SCFD2: variants seen among roughly 807,000 people sequenced by gnomAD.
SCFD2 encodes the protein sec1 family domain-containing protein 2.
In SCFD2, 54 loss-of-function variants were observed where a neutral mutation model predicts 58.9. The ratio of observed to expected loss-of-function variants is 0.92; its 90% CI spans 0.74 to 1.15. SCFD2 has a LOEUF of 1.15. SCFD2 is among the 50% of genes most tolerant of loss of function. The pLI, the probability that SCFD2 is intolerant of heterozygous loss-of-function variation, is 0.00. For missense variants in SCFD2, 805 were observed against 836.6 expected (o/e 0.96, Z 0.47); for synonymous variants, 321 against 335.9 (o/e 0.96, Z 0.49).
At chr4:53,257,447 G>C (rs1020329716) in intron 4 of SCFD2, among the ~76,000 whole-genome samples, 1 of 152,180 alleles carries the variant, frequency 6.6e-6, no homozygotes, top group African/African-American at 2.4e-5. Flanking sequence ...AAGAGGTAGA[G>C]TTGAGCCACT....
chr4:53,191,521 C>T (rs1727891695), intron 4 of SCFD2, among the ~76,000 whole-genome samples: 1 of 151,994 alleles, frequency 6.6e-6, no homozygotes, highest in Non-Finnish European at 1.5e-5. Context: ...ATTCTCCTGC[C>T]TCAGCCTCCC....
At chr4:53,309,542 A>G (rs1307101370) in intron 3 of SCFD2, among the ~76,000 whole-genome samples, 2 of 152,156 alleles carry the variant, frequency 1.3e-5, no homozygotes, top group Admixed American at 6.5e-5. Flanking sequence ...AGGGAGGAGG[A>G]GTCAGGAGGA....
chr4:53,237,493 G>T (rs1192353629), intron 4 of SCFD2, among the ~76,000 whole-genome samples: 3 of 8,070 alleles, frequency 3.7e-4, no homozygotes, highest in Non-Finnish European at 8.4e-4. Context: ...CCTCCCTCCC[G>T]GACGGGCGGC....
chr4:53,074,611 C>A (rs1235476368), intron 5 of SCFD2, among the ~76,000 whole-genome samples: 6 of 152,140 alleles, frequency 3.9e-5, no homozygotes, highest in Non-Finnish European at 2.9e-5. Context: ...AATCCATGAG[C>A]GACAGAATGG....
chr4:52,900,971 C>G (rs1016220922), intron 7 of SCFD2, among the ~76,000 whole-genome samples: 1 of 152,176 alleles, frequency 6.6e-6, no homozygotes, highest in Non-Finnish European at 1.5e-5. Context: ...CCTGGTGTGC[C>G]GTTTGTTAAG....
chr4:53,226,097 C>A lies in SCFD2; in HGVS notation c.1311+47729G>T, dbSNP rs115229897. 2.7e-3 allele frequency among the ~76,000 whole-genome samples: 412 copies of A among 152,278 alleles called. 1 individual carries two copies. The highest frequency in any genetic ancestry group is 9.5e-3 in the African/African-American group (394 of 41,558). ...GATTACAGATATGAGCCACTGCAAC[C>A]AGGCTGGTTTTGGATTTCTAATTTA... On this transcript the variant is annotated intron_variant, in intron 4 of 8. Coordinates refer to ENST00000401642, the MANE Select transcript of SCFD2 (RefSeq NM_152540.4).
intron 5 of SCFD2, among the ~76,000 whole-genome samples, chr4:52,963,826 T>C (rs1461965902): frequency 6.6e-6 from 1 of 152,186 alleles, no homozygotes; most frequent in Admixed American, 6.5e-5. Flanking sequence ...GAGGATAAAA[T>C]GTTGCCTTTT....
At chr4:53,171,376 G>T (rs571605362) in intron 4 of SCFD2, among the ~76,000 whole-genome samples, 1 of 152,298 alleles carries the variant, frequency 6.6e-6, no homozygotes, top group Admixed American at 6.5e-5. Context: ...CTTGTTCATT[G>T]TGAATTATCC....
intron 4 of SCFD2, among the ~76,000 whole-genome samples, chr4:53,178,038 A>G (rs1451853407): frequency 6.6e-6 from 1 of 152,232 alleles, no homozygotes; most frequent in Non-Finnish European, 1.5e-5. Context: ...AGCCCACCAC[A>G]GCTCCAGGAG....
intron 5 of SCFD2, among the ~76,000 whole-genome samples, chr4:52,977,588 G>A (rs910031193): frequency 1.3e-5 from 2 of 152,130 alleles, no homozygotes; most frequent in African/African-American, 4.8e-5. Flanking sequence ...AGGGTATTAC[G>A]TTTCCTTCTA....
At chr4:53,353,145 G>A (rs543049616) in intron 1 of SCFD2, among the ~76,000 whole-genome samples, 7 of 152,254 alleles carry the variant, frequency 4.6e-5, no homozygotes, top group South Asian at 2.1e-4. Context: ...TCTGATGTTC[G>A]GACATGTTCA....
In SCFD2 at chr4:53,365,194, G is replaced by GA; in HGVS notation, c.747dup (p.Leu250SerfsTer57). On this transcript the variant is annotated frameshift_variant, in exon 1 of 9. Coordinates refer to ENST00000401642, the MANE Select transcript of SCFD2 (RefSeq NM_152540.4). LOFTEE classifies it high-confidence loss of function. The surrounding 1 kb of genome is among the most constrained non-coding windows in gnomAD (Gnocchi z 4.3). ...TTCTTTGCAGGGGCATAATTGGCCA[G>GA]ATCCGCAGCGATGACCTGACTTAAG... 6.2e-7 allele frequency: 1 copy of GA among 1,614,166 alleles called. No individual in the cohort carries two copies. The highest frequency in any genetic ancestry group is 8.5e-7 in the Non-Finnish European group (1 of 1,180,040).
At position 53,313,641 on chromosome 4, in the gene SCFD2, C is replaced by A. The variant is rs774496817; in HGVS notation, c.1130G>T (p.Ser377Ile). 4 of 1,613,836 alleles carry A rather than the reference C, an allele frequency of 2.5e-6. No individual in the cohort carries two copies. In the African/African-American group the frequency reaches 4.0e-5, roughly 16 times the overall value. Residue 377 changes from serine (S) to isoleucine (I), a missense_variant, in exon 3 of 9, where the codon AGT becomes ATT. By Grantham distance (142) the Ser-to-Ile change is moderately radical (BLOSUM62 -2). Coordinates refer to ENST00000401642, the MANE Select transcript of SCFD2 (RefSeq NM_152540.4). ...TGTCCTAGGTTTAGGCTTACCCATACTCATCTTGATTGGCAGGTTTTCTCT... is the reference window on the plus strand; with the variant it reads ...TGTCCTAGGTTTAGGCTTACCCATAATCATCTTGATTGGCAGGTTTTCTCT... The part of the protein sequence containing the change: ...ASRENLPIKM[S>I]MGRVTPGQLM...
intron 5 of SCFD2, among the ~76,000 whole-genome samples, chr4:52,926,608 C>T (rs747382291): frequency 1.3e-5 from 2 of 152,198 alleles, no homozygotes; most frequent in Non-Finnish European, 2.9e-5. Context: ...AAAAAATATA[C>T]TTTAACCCTG....
chr4:53,339,482 T>C (rs902816981), intron 2 of SCFD2, among the ~76,000 whole-genome samples: 6 of 151,900 alleles, frequency 3.9e-5, no homozygotes, highest in African/African-American at 1.4e-4. Context: ...TTAAAAACAC[T>C]GTTAGGGCTC....
intron 8 of SCFD2, among the ~76,000 whole-genome samples, chr4:52,879,285 G>A (rs1241538906): frequency 6.6e-6 from 1 of 152,220 alleles, no homozygotes; most frequent in Non-Finnish European, 1.5e-5. Context: ...AAAACAGCCA[G>A]TGGGGAGAGA....
intron 2 of SCFD2, among the ~76,000 whole-genome samples, chr4:53,330,479 C>A (rs1733407040): frequency 6.6e-6 from 1 of 152,138 alleles, no homozygotes; most frequent in East Asian, 1.9e-4. Flanking sequence ...CCCAGAATTT[C>A]ACATCCAGCC....
chr4:52,918,220 T>G (rs1719653088), intron 6 of SCFD2, among the ~76,000 whole-genome samples: 2 of 152,242 alleles, frequency 1.3e-5, no homozygotes, highest in Non-Finnish European at 2.9e-5. Context: ...AGCCAAGGAC[T>G]ATTTTTCTAA....
chr4:53,249,473 T>C (rs1423055962), intron 4 of SCFD2, among the ~76,000 whole-genome samples: 2 of 152,080 alleles, frequency 1.3e-5, no homozygotes, highest in Non-Finnish European at 2.9e-5. Context: ...AAGATAATCC[T>C]TGAGAAGAGC....
Sources: allele counts gnomAD v4.1 joint callset (sites outside exome capture counted in the v4.1 genomes callset), GRCh38; gene constraint gnomAD v4.1.1; non-coding constraint Gnocchi (gnomAD v3.1); transcripts MANE v1.5; gene names NCBI Gene and HGNC (gene_info 2026-07-23, HGNC 2026-07-21).